Variants in SLC43A2 observed in about 807,000 individuals in gnomAD.
SLC43A2 encodes the protein solute carrier family 43 member 2.
SLC43A2 carries 38 observed loss-of-function variants against 63.2 expected under a neutral mutation model. That is an observed-to-expected ratio of 0.60 (90% CI 0.46 to 0.79). The LOEUF is 0.79. Among genes scored for constraint, SLC43A2 ranks in the 30% least tolerant of loss-of-function variants. SLC43A2 has a pLI of 0.00. For missense variants in SLC43A2, 644 were observed against 756.2 expected, an observed-to-expected ratio of 0.85 and a Z score of 1.74; for synonymous variants, 322 against 331.0, an observed-to-expected ratio of 0.97 and a Z score of 0.30.
chr17:1,575,781 G>A lies in SLC43A2; in HGVS notation c.1549-16C>T, dbSNP rs1170793378. ...CCACGTTCACCTGGGGAGGCAGGGA[G>A]GCCGCGCATCACAGGGCGTGGTGGT... On this transcript the variant is annotated splice_polypyrimidine_tract_variant and intron_variant, in intron 13 of 13. Coordinates refer to ENST00000301335, the MANE Select transcript of SLC43A2 (RefSeq NM_152346.3). 4.4e-6 allele frequency: 7 copies of A among 1,601,252 alleles called. No homozygotes were observed. The highest frequency in any genetic ancestry group is 1.7e-6 in the Non-Finnish European group (2 of 1,174,080).
At chr17:1,600,152 A>ATATTT (rs1216616243) in intron 5 of SLC43A2, among the ~76,000 whole-genome samples, 8 of 60,280 alleles carry the variant, frequency 1.3e-4, no homozygotes, top group African/African-American at 2.7e-4. Context: ...ATATATATAT[A>ATATTT]TTTTTTTTTT....
At chr17:1,628,116 C>G (rs1598505552) in intron 1 of SLC43A2, 196 bp from the exon 2 acceptor site, 1 of 405,566 alleles carries the variant, frequency 2.5e-6, no homozygotes, top group Non-Finnish European at 4.0e-6. Flanking sequence ...GCTCGTACCG[C>G]TGCCCTCCGC....
Position 1,583,129 on chromosome 17 carries a change from A to G in SLC43A2, c.1350+75T>C. 6.8e-7 allele frequency: 1 copy of G among 1,476,772 alleles called. No homozygotes were observed. The highest frequency in any genetic ancestry group is 1.9e-5 in the Admixed American group (1 of 53,376). 91.5% of individuals were successfully genotyped at this position (1,476,772 alleles called of 1,614,324 possible). On this transcript the variant is annotated intron_variant, in intron 11 of 13. Transcript: ENST00000301335. The surrounding 1 kb of genome is among the most constrained non-coding windows in gnomAD (Gnocchi z 5.5). ...TTGTTGATGGCTTCCATGAAACATT[A>G]CACACTTTTGAGTCTTTACATGTTC...
In SLC43A2 at chr17:1,576,618, A is replaced by C. The variant is rs1484449478; in HGVS notation, c.1527T>G (p.Pro509=). Residue 509 remains proline, a synonymous_variant, in exon 13 of 14, where the codon CCT becomes CCG. Coordinates refer to ENST00000301335, the MANE Select transcript of SLC43A2 (RefSeq NM_152346.3). The stretch of plus-strand genomic sequence containing the variant: ...TTACCCACAGAGGGTCTCCCTGGAG[A>C]GGACCCATCATGGCCAGAAACAGCG... ...QQPLFLAMMG[P]LQGDPLWVNV... The C allele has an allele frequency of 3.7e-6, 6 of 1,609,422 alleles. No individual in the cohort carries two copies. Among genetic ancestry groups the C allele is most frequent in the Non-Finnish European group, 5.1e-6 (6 of 1,179,902 alleles).
At position 1,593,210 on chromosome 17, in the gene SLC43A2, C is replaced by A. The variant is rs1355104288; in HGVS notation, c.571G>T (p.Ala191Ser). ...ALMIGSYASS[A>S]VTFPGIKLIY... ...ACCTTGATTCCTGGAAAGGTGACTGCCGAGGAGGCGTAGGACCCAATCATC... is the reference window on the plus strand; with the variant it reads ...ACCTTGATTCCTGGAAAGGTGACTGACGAGGAGGCGTAGGACCCAATCATC... The change falls in exon 6 of 14, where the codon GCA becomes TCA. Residue 191 changes from alanine (A) to serine (S), a missense_variant. By Grantham distance (99) the Ala-to-Ser change is moderately conservative (BLOSUM62 1). Around this residue, in one of 3 missense-constraint regions of SLC43A2, gnomAD observed 528 missense variants for 623.6 expected, o/e 0.85. Coordinates refer to ENST00000301335, the MANE Select transcript of SLC43A2 (RefSeq NM_152346.3). The surrounding 1 kb of genome is among the most constrained non-coding windows in gnomAD (Gnocchi z 5.3). 1.2e-6 allele frequency: 2 copies of A among 1,613,982 alleles called. No individual in the cohort carries two copies. The highest frequency in any genetic ancestry group is 1.7e-6 in the Non-Finnish European group (2 of 1,179,964).
Position 1,619,861 on chromosome 17 carries a change from A to T in SLC43A2, c.161-3092T>A, listed in dbSNP as rs4790237. Among the ~76,000 whole-genome samples, 4 of 152,212 alleles carry T rather than the reference A, an allele frequency of 2.6e-5. No individual in the cohort carries two copies. The East Asian group carries it at 7.7e-4, about 29-fold the overall frequency. On this transcript the variant is annotated intron_variant, in intron 2 of 13. Coordinates refer to ENST00000301335, the MANE Select transcript of SLC43A2 (RefSeq NM_152346.3). ...GGCCCAGGATGGGTGACTTGTGGGG[A>T]CAGTGACTGCACAGGGGCCGTGGAA...
chr17:1,618,681 A>G (rs552773378), intron 2 of SLC43A2, among the ~76,000 whole-genome samples: 3 of 152,338 alleles, frequency 2.0e-5, no homozygotes, highest in Admixed American at 1.3e-4. Flanking sequence ...ATAGCTGTTT[A>G]CTGAATAAAT....
chr17:1,622,349 G>A (rs1216531836), intron 2 of SLC43A2, among the ~76,000 whole-genome samples: 3 of 150,376 alleles, frequency 2.0e-5, no homozygotes, highest in Non-Finnish European at 4.4e-5. Flanking sequence ...GGATCACGAG[G>A]TCAGGAGATC....
intron 3 of SLC43A2, among the ~76,000 whole-genome samples, chr17:1,615,992 G>A (rs1022978096): frequency 5.5e-4 from 82 of 148,142 alleles, no homozygotes; most frequent in African/African-American, 1.9e-3. Context: ...GCCGTGAGCC[G>A]AGATCACGCC....
intron 2 of SLC43A2, 29 bp downstream of exon 2, chr17:1,627,685 GC>G: frequency 2.9e-6 from 4 of 1,390,762 alleles, no homozygotes; most frequent in South Asian, 2.9e-5. Context: ...AGCTCCAGGA[GC>G]CCCCCGCAAC....
chr17:1,591,040 G>A (rs1439080304), intron 8 of SLC43A2, 92 bp from the exon 9 acceptor site: 4 of 1,419,304 alleles, frequency 2.8e-6, no homozygotes, highest in Non-Finnish European at 3.8e-6. Context: ...AGGCCAGGAG[G>A]GGGCCCTCGG....
In SLC43A2 at chr17:1,586,425, G is replaced by A. The variant is rs531005252; in HGVS notation, c.1079-374C>T. On this transcript the variant is annotated intron_variant, in intron 9 of 13. Coordinates refer to ENST00000301335, the MANE Select transcript of SLC43A2 (RefSeq NM_152346.3). Reference sequence around the variant, plus strand: ...GAAATAGCCCAGAACGGCTGGGCGCGGTGGCTCATGCCTGTAATCCCAGCA... The same window carrying A: ...GAAATAGCCCAGAACGGCTGGGCGCAGTGGCTCATGCCTGTAATCCCAGCA... Among the ~76,000 whole-genome samples, 67 of 152,268 alleles carry A rather than the reference G, an allele frequency of 4.4e-4. No individual in the cohort carries two copies. In the East Asian group the frequency reaches 0.01, roughly 23 times the overall value.
rs566134290 is a variant in SLC43A2, at chr17:1,585,151, G to A, written c.1217+762C>T. 2.6e-4 allele frequency: 260 copies of A among 988,180 alleles called. 2 individuals carry two copies. The African/African-American group carries it at 3.8e-3, about 14-fold the overall frequency. 61.2% of individuals were successfully genotyped at this position (988,180 alleles called of 1,614,324 possible). A position where few individuals can be genotyped will look rare whatever the true frequency, so the allele number is the denominator to read the frequency against. On this transcript the variant is annotated intron_variant, in intron 10 of 13. Transcript: ENST00000301335. ...TAGCCACTGCCAAGGGGTGGAGGGA[G>A]GGTGGTCTTAGGAGCAAAATGGTCT...
At chr17:1,617,536 A>G (rs1394404160) in intron 2 of SLC43A2, among the ~76,000 whole-genome samples, 2 of 151,976 alleles carry the variant, frequency 1.3e-5, no homozygotes, top group Admixed American at 6.6e-5. Flanking sequence ...GATTACAGGC[A>G]CCTGCCACCG....
At chr17:1,599,967 C>T (rs1184037586) in intron 5 of SLC43A2, among the ~76,000 whole-genome samples, 1 of 140,946 alleles carries the variant, frequency 7.1e-6, no homozygotes. Context: ...TGGCGTGAAC[C>T]TGGGAGGCAG....
intron 2 of SLC43A2, among the ~76,000 whole-genome samples, chr17:1,623,886 A>G (rs35942409): frequency 0.36 from 41,920 of 116,618 alleles, 11,028 homozygotes; most frequent in Admixed American, 0.55. Context: ...TCCAGGGTGT[A>G]CCCTCCTCTC....
intron 4 of SLC43A2, among the ~76,000 whole-genome samples, 176 bp downstream of exon 4, chr17:1,614,803 C>T (rs1314189990): frequency 6.6e-6 from 1 of 152,136 alleles, no homozygotes; most frequent in Non-Finnish European, 1.5e-5. Context: ...TGGCTGCTCT[C>T]TGATCTCGCC....
At chr17:1,596,350 G>C (rs1053991977) in intron 5 of SLC43A2, among the ~76,000 whole-genome samples, 1 of 151,994 alleles carries the variant, frequency 6.6e-6, no homozygotes, top group Non-Finnish European at 1.5e-5. Context: ...CAGGCTGGGA[G>C]TGGTGGCTCG....
chr17:1,586,504 G>A (rs2076104103), intron 9 of SLC43A2, among the ~76,000 whole-genome samples: 1 of 152,072 alleles, frequency 6.6e-6, no homozygotes, highest in Admixed American at 6.6e-5. Context: ...AGACCAGACT[G>A]ACCAACACAG....
Sources: allele counts gnomAD v4.1 joint callset (sites outside exome capture counted in the v4.1 genomes callset), GRCh38; gene constraint gnomAD v4.1.1; regional missense constraint gnomAD v4.1.1; non-coding constraint Gnocchi (gnomAD v3.1); transcripts MANE v1.5; gene names NCBI Gene and HGNC (gene_info 2026-07-23, HGNC 2026-07-21).